EMC1: variants seen among roughly 807,000 people sequenced by gnomAD.
The protein encoded by EMC1 is KIAA0090.
In EMC1, 103 loss-of-function variants were observed where a neutral mutation model predicts 128.8. That is an observed-to-expected ratio of 0.80 (90% CI 0.68 to 0.94). The LOEUF is 0.94. Ranked by LOEUF, EMC1 falls within the 40% of genes least tolerant of loss-of-function variation. The pLI, the probability that EMC1 is intolerant of heterozygous loss-of-function variation, is 0.00. For synonymous variants in EMC1, 442 were observed against 490.4 expected (o/e 0.90, Z 1.30); for missense variants, 1,083 against 1,250.6 (o/e 0.87, Z 2.02).
Position 19,249,908 on chromosome 1 carries a change from CCT to C in EMC1, c.95+1505_95+1506del, listed in dbSNP as rs538010564. On this transcript the variant is annotated intron_variant, in intron 1 of 22. Coordinates refer to ENST00000477853, the MANE Select transcript of EMC1 (RefSeq NM_015047.3). ...TCCAGCCTGGGCTACAGAATGAGTCCCTGTCTCAAAAAATTTTAAAAAGTCTT... is the reference window on the plus strand; with the variant it reads ...TCCAGCCTGGGCTACAGAATGAGTCCGTCTCAAAAAATTTTAAAAAGTCTT... 2.6e-3 allele frequency among the ~76,000 whole-genome samples: 395 copies of C among 150,034 alleles called. 2 individuals carry two copies. Among genetic ancestry groups the C allele is most frequent in the African/African-American group, 9.4e-3 (383 of 40,740 alleles).
chr1:19,224,778 G>A (rs2093459367), intron 18 of EMC1, among the ~76,000 whole-genome samples: 1 of 151,914 alleles, frequency 6.6e-6, no homozygotes, highest in South Asian at 2.1e-4. Context: ...CCACGGTGGT[G>A]GCCTGTGATC....
chr1:19,235,383 C>A, intron 12 of EMC1, 131 bp from the exon 13 acceptor site: 5 of 886,818 alleles, frequency 5.6e-6, no homozygotes, highest in Non-Finnish European at 8.4e-6. Context: ...GCCTGGACAA[C>A]AGGGCAAAAC....
Position 19,220,854 on chromosome 1 carries a change from CAGGAG to C in EMC1, c.2588-11_2588-7del. On this transcript the variant is annotated splice_polypyrimidine_tract_variant and splice_region_variant and intron_variant, in intron 20 of 22. Transcript: ENST00000477853. ...TGCTCCAGAAGGTAGTCCAACTACA[CAGGAG>C]GAAGTGAATGTTCACACCGATCCAG... 6.2e-7 allele frequency: 1 copy of C among 1,608,136 alleles called. No homozygotes were observed. Among genetic ancestry groups the C allele is most frequent in the South Asian group, 1.1e-5 (1 of 90,684 alleles).
chr1:19,232,833 G>C (rs2093534184), intron 14 of EMC1, 60 bp from the exon 15 acceptor site: 1 of 1,608,934 alleles, frequency 6.2e-7, no homozygotes, highest in African/African-American at 1.3e-5. Context: ...AACTGAGTCT[G>C]TCCTTGAAAA....
intron 1 of EMC1, among the ~76,000 whole-genome samples, chr1:19,249,926 A>T (rs1053772829): frequency 9.5e-5 from 14 of 146,698 alleles, no homozygotes; most frequent in African/African-American, 3.0e-4. Context: ...AAAAAATTTT[A>T]AAAAGTCTTG....
intron 1 of EMC1, among the ~76,000 whole-genome samples, chr1:19,250,218 CAAAAAAAAAA>C (rs55743743): frequency 1.2e-4 from 6 of 48,244 alleles, no homozygotes; most frequent in Non-Finnish European, 1.6e-4. Flanking sequence ...AAAACTGTCT[CAAAAAAAAAA>C]AAAAAAAAAA....
At chr1:19,250,291 C>T (rs1229751381) in intron 1 of EMC1, among the ~76,000 whole-genome samples, 6 of 151,458 alleles carry the variant, frequency 4.0e-5, no homozygotes, top group Admixed American at 1.3e-4. Flanking sequence ...CCTAACCTGG[C>T]CCTGGGCTCA....
intron 1 of EMC1, among the ~76,000 whole-genome samples, chr1:19,248,442 G>A (rs1275713471): frequency 1.6e-4 from 24 of 152,022 alleles, no homozygotes; most frequent in Admixed American, 1.5e-3. Flanking sequence ...TTGTTTCTGA[G>A]ATGGAGTCTC....
At chr1:19,231,850 T>G (rs2093525043) in intron 15 of EMC1, among the ~76,000 whole-genome samples, 1 of 152,140 alleles carries the variant, frequency 6.6e-6, no homozygotes. Flanking sequence ...CTCGAACTCC[T>G]GGACTCAAGC....
At position 19,220,816 on chromosome 1, in the gene EMC1, G is replaced by A. The variant is rs1209835718; in HGVS notation, c.2620C>T (p.Pro874Ser). Residue 874 changes from proline to serine, a missense_variant, in exon 21 of 23, where the codon CCT (proline) becomes TCT (serine). By Grantham distance (74) the Pro-to-Ser change is moderately conservative. Coordinates refer to ENST00000477853, the MANE Select transcript of EMC1 (RefSeq NM_015047.3). ...CGGCGGGGATCCAGCAAAGCCTTAG[G>A]AAGGGAAAGAATTGCTCCAGAAGGT... Reference protein sequence around the residue: ...GLPSGAILSLPKALLDPRRPE... With the variant: ...GLPSGAILSLSKALLDPRRPE... 2 of 1,613,760 alleles carry A rather than the reference G, an allele frequency of 1.2e-6. No individual in the cohort carries two copies. Among genetic ancestry groups the A allele is most frequent in the African/African-American group, 2.7e-5 (2 of 74,826 alleles).
At position 19,239,227 on chromosome 1, in the gene EMC1, TCAC is replaced by T. The variant is rs772945847; in HGVS notation, c.1026+1_1026+3del. The T allele has an allele frequency of 8.7e-6, 14 of 1,613,398 alleles. No individual in the cohort carries two copies. In the East Asian group the frequency reaches 1.1e-4, roughly 13 times the overall value. ...AAGTGCTGACTGTTGTTCTCAATAC[TCAC>T]CACTTCATTCCGACAGGCCATGACT... is the stretch of plus-strand genomic sequence containing the variant. On this transcript the variant is annotated splice_donor_variant and splice_donor_region_variant and intron_variant, in intron 9 of 22. Transcript: ENST00000477853. LOFTEE classifies it high-confidence loss of function.
At chr1:19,242,867 C>A (rs1358146119) in intron 4 of EMC1, among the ~76,000 whole-genome samples, 2 of 152,210 alleles carry the variant, frequency 1.3e-5, no homozygotes, top group Non-Finnish European at 2.9e-5. Context: ...TTCTCATCGC[C>A]TGGGGCTCAG....
intron 18 of EMC1, among the ~76,000 whole-genome samples, chr1:19,224,630 C>G (rs2093457979): frequency 6.6e-6 from 1 of 152,248 alleles, no homozygotes; most frequent in African/African-American, 2.4e-5. Flanking sequence ...GATGACCCCA[C>G]AGCCTAAATG....
At position 19,243,963 on chromosome 1, in the gene EMC1, C is replaced by T. The variant is rs1315460243; in HGVS notation, c.273G>A (p.Leu91=). 10 of 1,614,044 alleles carry T rather than the reference C, an allele frequency of 6.2e-6. No homozygotes were observed. The highest frequency in any genetic ancestry group is 1.3e-5 in the African/African-American group (1 of 74,924). ...GTAEGAVDAM[L]LHGQDVITVS... ...GACTCTGCTTACCCTGTCCGTGCAGCAGCATGGCATCCACAGCCCCTTCTG... is the reference window on the plus strand; with the variant it reads ...GACTCTGCTTACCCTGTCCGTGCAGTAGCATGGCATCCACAGCCCCTTCTG... The change falls in exon 3 of 23, where the codon CTG becomes CTA. Residue 91 remains leucine (L), a synonymous_variant. Coordinates refer to ENST00000477853, the MANE Select transcript of EMC1 (RefSeq NM_015047.3).
In EMC1 at chr1:19,222,826, G is replaced by A. The variant is rs148738426; in HGVS notation, c.2385C>T (p.Tyr795=). ...CGTTGCGCCGAGCCTTGGTGTTCCA[G>A]TACTGGTACTGCAGGGATAGGAGGT... ...VHSENWVVYQ[Y]WNTKARRNEF... is the part of the protein sequence containing the mutation. Residue 795 remains tyrosine (Y), a synonymous_variant, in exon 20 of 23, where the codon TAC becomes TAT. Transcript: ENST00000477853. The A allele has an allele frequency of 1.9e-5, 30 of 1,608,052 alleles. No individual in the cohort carries two copies. Among genetic ancestry groups the A allele is most frequent in the Non-Finnish European group, 2.4e-5 (28 of 1,175,890 alleles).
At chr1:19,226,459 T>C (rs710876) in intron 18 of EMC1, among the ~76,000 whole-genome samples, 12,188 of 151,864 alleles carry the variant, frequency 0.08, 1,582 homozygotes, top group African/African-American at 0.27. Flanking sequence ...AATATAAAAA[T>C]AAAAAATTAA....
Position 19,219,067 on chromosome 1 carries a change from A to G in EMC1, c.*236T>C. On this transcript the variant is annotated 3_prime_UTR_variant, in exon 23 of 23. Coordinates refer to ENST00000477853, the MANE Select transcript of EMC1 (RefSeq NM_015047.3). ...GCCTTTGGACTTCAAGAGAAAGCCCATCAGGAATCTCTGAGAGTGTCAGCT... is the reference window on the plus strand; with the variant it reads ...GCCTTTGGACTTCAAGAGAAAGCCCGTCAGGAATCTCTGAGAGTGTCAGCT... 1 of 479,824 alleles carries G rather than the reference A, an allele frequency of 2.1e-6. No individual in the cohort carries two copies. Among genetic ancestry groups the G allele is most frequent in the South Asian group, 3.1e-5 (1 of 31,846 alleles). 29.7% of individuals were successfully genotyped at this position (479,824 alleles called of 1,614,324 possible). A position where few individuals can be genotyped will look rare whatever the true frequency, so the allele number is the denominator to read the frequency against.
intron 3 of EMC1, 113 bp downstream of exon 3, chr1:19,243,837 A>C (rs1395934884): frequency 2.8e-6 from 4 of 1,425,402 alleles, no homozygotes; most frequent in Non-Finnish European, 4.0e-6. Context: ...CCTGTCCTTC[A>C]CTGTCAGGAG....
intron 1 of EMC1, among the ~76,000 whole-genome samples, chr1:19,248,610 G>A (rs1441052492): frequency 6.6e-6 from 1 of 151,736 alleles, no homozygotes; most frequent in Non-Finnish European, 1.5e-5. Flanking sequence ...AGGAGAGACG[G>A]GGTTTCACCA....
Sources: allele counts gnomAD v4.1 joint callset (sites outside exome capture counted in the v4.1 genomes callset), GRCh38; gene constraint gnomAD v4.1.1; transcripts MANE v1.5; gene names NCBI Gene and HGNC (gene_info 2026-07-23, HGNC 2026-07-21).